Variants in DAG1 observed in about 807,000 individuals in gnomAD.
The protein encoded by DAG1 is dystroglycan 1 (dystrophin-associated glycoprotein 1).
In DAG1, 8 loss-of-function variants were observed where a neutral mutation model predicts 46.1. The observed-to-expected ratio is 0.17, with a 90% CI of 0.10 to 0.31. The LOEUF (loss-of-function observed/expected upper bound fraction) is 0.31, where lower values mean the gene tolerates loss of function less well. Ranked by LOEUF, DAG1 falls within the 10% of genes least tolerant of loss-of-function variation. The pLI is 1.00. For synonymous variants in DAG1, 495 were observed against 481.8 expected, an observed-to-expected ratio of 1.03 and a Z score of -0.36; for missense variants, 1,003 against 1,189.9, an observed-to-expected ratio of 0.84 and a Z score of 2.31.
chr3:49,526,472 G>T lies in DAG1; in HGVS notation c.286-4325G>T, dbSNP rs572643036. Among the ~76,000 whole-genome samples, 6 of 152,312 alleles carry T rather than the reference G, an allele frequency of 3.9e-5. 1 individual carries two copies. Among genetic ancestry groups the T allele is most frequent in the African/African-American group, 1.4e-4 (6 of 41,578 alleles). Reference sequence around the variant, plus strand: ...AACTGTAATCCCAGCACTTTGGGAGGCTGAGGCAGCCAGATCACTGGAGGC... The same window carrying T: ...AACTGTAATCCCAGCACTTTGGGAGTCTGAGGCAGCCAGATCACTGGAGGC... On this transcript the variant is annotated intron_variant, in intron 2 of 2. Coordinates refer to ENST00000308775, the MANE Select transcript of DAG1 (RefSeq NM_004393.6).
At chr3:49,508,824 C>T (rs752323658) in intron 1 of DAG1, among the ~76,000 whole-genome samples, 9 of 152,210 alleles carry the variant, frequency 5.9e-5, no homozygotes, top group East Asian at 3.8e-4. Context: ...CCACTGCACC[C>T]GCCCGCCAGG....
chr3:49,504,761 A>ATTTTTTTTTT (rs57684297), intron 1 of DAG1, among the ~76,000 whole-genome samples: 1,815 of 89,518 alleles, frequency 0.02, no homozygotes, highest in East Asian at 0.051. Context: ...CGCCCAGCTA[A>ATTTTTTTTTT]TTTTTTTTTT....
chr3:49,512,063 GCT>G (rs2050774313), intron 2 of DAG1, among the ~76,000 whole-genome samples: 1 of 151,726 alleles, frequency 6.6e-6, no homozygotes, highest in South Asian at 2.1e-4. Context: ...GCAGGGTCTT[GCT>G]CTGTTGTTCA....
At chr3:49,476,990 ATTTATTTATT>A (rs1258730334) in intron 1 of DAG1, 2 of 152,176 alleles carry the variant, frequency 1.3e-5, no homozygotes, top group African/African-American at 2.4e-5. Context: ...ACAGAATTAT[ATTTATTTATT>A]TTTATTTATT....
Position 49,532,084 on chromosome 3 carries a change from G to A in DAG1, c.1573G>A (p.Asp525Asn). The A allele has an allele frequency of 6.2e-7, 1 of 1,614,184 alleles. No individual in the cohort carries two copies. The highest frequency in any genetic ancestry group is 8.5e-7 in the Non-Finnish European group (1 of 1,180,032). ...EVKIPSDTFY[D>N]HEDTTTDKLK... is the part of the protein sequence containing the mutation. The stretch of plus-strand genomic sequence containing the variant: ...GAAGATCCCGTCAGACACTTTCTAT[G>A]ACCATGAGGACACCACCACTGACAA... Residue 525 changes from aspartate (D) to asparagine (N), a missense_variant, in exon 3 of 3, where the codon GAC becomes AAC. Asp to Asn is a conservative substitution (Grantham distance 23, BLOSUM62 1). This residue lies in a region of DAG1 where 755 missense variants were observed against 854.1 expected (regional missense o/e 0.88). Coordinates refer to ENST00000308775, the MANE Select transcript of DAG1 (RefSeq NM_004393.6). The surrounding 1 kb of genome is among the most constrained non-coding windows in gnomAD (Gnocchi z 5.4).
chr3:49,481,463 A>G (rs570515351), intron 1 of DAG1, among the ~76,000 whole-genome samples: 2 of 151,712 alleles, frequency 1.3e-5, no homozygotes, highest in East Asian at 3.9e-4. Flanking sequence ...ATCAATGTCA[A>G]GTAAGGCAGA....
In DAG1 at chr3:49,531,845, C is replaced by T. The variant is rs996628254; in HGVS notation, c.1334C>T (p.Thr445Met). The T allele has an allele frequency of 1.8e-5, 29 of 1,613,940 alleles. No homozygotes were observed. Among genetic ancestry groups the T allele is most frequent in the East Asian group, 4.5e-5 (2 of 44,884 alleles). Residue 445 changes from threonine (T) to methionine (M), a missense_variant, in exon 3 of 3, where the codon ACG becomes ATG. Coordinates refer to ENST00000308775, the MANE Select transcript of DAG1 (RefSeq NM_004393.6). This position sits in a 1 kb window ranked among gnomAD's most constrained non-coding sequence, Gnocchi z 7.0. ...CCTTCAACTGACTCCACCACCACCACGACTCGCAGGCCAACCAAGAAACCA... is the reference window on the plus strand; with the variant it reads ...CCTTCAACTGACTCCACCACCACCATGACTCGCAGGCCAACCAAGAAACCA... ...ATPSTDSTTT[T>M]TRRPTKKPRT...
chr3:49,532,154 A>G lies in DAG1; in HGVS notation c.1643A>G (p.Glu548Gly), dbSNP rs779166317. Reference sequence around the variant, plus strand: ...CTGCGGGAGCAGCAGCTGGTGGGCGAGAAGTCCTGGGTACAGTTCAACAGC... The same window carrying G: ...CTGCGGGAGCAGCAGCTGGTGGGCGGGAAGTCCTGGGTACAGTTCAACAGC... Reference protein sequence around the residue: ...LKLREQQLVGEKSWVQFNSNS... With the variant: ...LKLREQQLVGGKSWVQFNSNS... The change falls in exon 3 of 3, where the codon GAG becomes GGG. Residue 548 changes from glutamate (E) to glycine (G), a missense_variant. By Grantham distance (98) the Glu-to-Gly change is moderately conservative. Around this residue, in one of 3 missense-constraint regions of DAG1, gnomAD observed 755 missense variants for 854.1 expected, o/e 0.88. Coordinates refer to ENST00000308775, the MANE Select transcript of DAG1 (RefSeq NM_004393.6). The surrounding 1 kb of genome is among the most constrained non-coding windows in gnomAD (Gnocchi z 5.4). 2 of 1,614,228 alleles carry G rather than the reference A, an allele frequency of 1.2e-6. No individual in the cohort carries two copies. The highest frequency in any genetic ancestry group is 1.3e-5 in the African/African-American group (1 of 75,060).
intron 1 of DAG1, among the ~76,000 whole-genome samples, chr3:49,504,422 C>A (rs1358497455): frequency 6.6e-6 from 1 of 151,918 alleles, no homozygotes; most frequent in Non-Finnish European, 1.5e-5. Context: ...CTGGGTTGTA[C>A]CATTTGTTGA....
chr3:49,474,025 C>G (rs1283367441), intron 1 of DAG1, among the ~76,000 whole-genome samples: 1 of 151,786 alleles, frequency 6.6e-6, no homozygotes, highest in Non-Finnish European at 1.5e-5. Flanking sequence ...GTAGCTAGGA[C>G]CACAGGCGCA....
In DAG1 at chr3:49,532,951, A is replaced by G; in HGVS notation, c.2440A>G (p.Ser814Gly). ...LDDSKPPPSS[S>G]MPLILQEEKA... is the part of the protein sequence containing the mutation. ...CGACTCCAAGCCCCCACCCTCCTCC[A>G]GCATGCCACTCATTCTGCAGGAGGA... Residue 814 changes from serine to glycine, a missense_variant, in exon 3 of 3, where the codon AGC becomes GGC. Around this residue, in one of 3 missense-constraint regions of DAG1, gnomAD observed 755 missense variants for 854.1 expected, o/e 0.88. Coordinates refer to ENST00000308775, the MANE Select transcript of DAG1 (RefSeq NM_004393.6). The surrounding 1 kb of genome is among the most constrained non-coding windows in gnomAD (Gnocchi z 5.4). 3.7e-6 allele frequency: 6 copies of G among 1,613,990 alleles called. No individual in the cohort carries two copies. Among genetic ancestry groups the G allele is most frequent in the Non-Finnish European group, 5.1e-6 (6 of 1,179,986 alleles).
intron 1 of DAG1, chr3:49,470,864 C>G (rs2049499220): frequency 6.6e-6 from 1 of 152,400 alleles, no homozygotes; most frequent in African/African-American, 2.4e-5. Context: ...GCCGCCACTG[C>G]TCTGTCAGAG....
At chr3:49,480,307 G>A (rs1267305184) in intron 1 of DAG1, among the ~76,000 whole-genome samples, 13 of 125,874 alleles carry the variant, frequency 1.0e-4, no homozygotes, top group Admixed American at 9.8e-4. Flanking sequence ...ACGGAGTCTC[G>A]CTCTATCGCC....
At chr3:49,501,425 C>T (rs978747989) in intron 1 of DAG1, among the ~76,000 whole-genome samples, 2 of 152,132 alleles carry the variant, frequency 1.3e-5, no homozygotes, top group South Asian at 2.1e-4. Context: ...GAGTGCTGGG[C>T]ACATATTAGT....
Position 49,530,847 on chromosome 3 carries a change from A to G in DAG1, c.336A>G (p.Ser112=). The G allele has an allele frequency of 6.2e-7, 1 of 1,614,220 alleles. No homozygotes were observed. The highest frequency in any genetic ancestry group is 8.5e-7 in the Non-Finnish European group (1 of 1,180,026). ...TGCCATCTTGGCTGCACTGGGACTC[A>G]CAGAGCCACACCCTGGAGGGCCTCC... is the stretch of plus-strand genomic sequence containing the variant. ...EALPSWLHWD[S]QSHTLEGLPL... is the part of the protein sequence containing the mutation. Residue 112 remains serine (S), a synonymous_variant, in exon 3 of 3, where the codon TCA becomes TCG. Transcript: ENST00000308775.
chr3:49,521,134 GT>G (rs1005248284), intron 2 of DAG1, among the ~76,000 whole-genome samples: 7 of 150,966 alleles, frequency 4.6e-5, no homozygotes, highest in South Asian at 2.1e-4. Flanking sequence ...GTTTCATGGT[GT>G]TTTTTTTTGT....
At chr3:49,472,730 C>G (rs2049558265) in intron 1 of DAG1, among the ~76,000 whole-genome samples, 1 of 152,004 alleles carries the variant, frequency 6.6e-6, no homozygotes, top group South Asian at 2.1e-4. Flanking sequence ...TGGCGTGAAC[C>G]CGGGAGGCGG....
In DAG1 at chr3:49,504,966, T is replaced by G. The variant is rs73073085; in HGVS notation, c.-116-5453T>G. On this transcript the variant is annotated intron_variant, in intron 1 of 2. Coordinates refer to ENST00000308775, the MANE Select transcript of DAG1 (RefSeq NM_004393.6). ...TATCTGTCCCTCCACCATTACAGTC[T>G]TCTTCTTTTTTTTTTTTTTTAATTT... is the stretch of plus-strand genomic sequence containing the variant. 1.3e-3 allele frequency among the ~76,000 whole-genome samples: 126 copies of G among 94,462 alleles called. 1 individual carries two copies. The highest frequency in any genetic ancestry group is 1.8e-3 in the Non-Finnish European group (76 of 42,206). 62.0% of individuals were successfully genotyped at this position (94,462 alleles called of 152,430 possible).
At position 49,533,467 on chromosome 3, in the gene DAG1, A is replaced by T. The variant is rs2051428321; in HGVS notation, c.*268A>T. ...TAGAGAATTCTTCGCTTCATTTTTG[A>T]TGGCTGGCTCTGAAAGCACCATGTG... On this transcript the variant is annotated 3_prime_UTR_variant, in exon 3 of 3. Coordinates refer to ENST00000308775, the MANE Select transcript of DAG1 (RefSeq NM_004393.6). The T allele has an allele frequency of 1.6e-6, 1 of 634,532 alleles. No homozygotes were observed. Among genetic ancestry groups the T allele is most frequent in the East Asian group, 3.2e-5 (1 of 30,958 alleles). 39.3% of individuals were successfully genotyped at this position (634,532 alleles called of 1,614,324 possible). A position where few individuals can be genotyped will look rare whatever the true frequency, so the allele number is the denominator to read the frequency against.
Sources: gnomAD v4.1 joint callset for allele counts (sites outside exome capture counted in the v4.1 genomes callset) on GRCh38, gnomAD v4.1.1 for gene constraint, gnomAD v4.1.1 regional missense constraint, Gnocchi (gnomAD v3.1) non-coding constraint, MANE v1.5 for transcripts, NCBI Gene and HGNC (gene_info 2026-07-23, HGNC 2026-07-21) for gene names.